Variants in BCL2L13 observed in about 807,000 individuals in gnomAD.
The protein encoded by BCL2L13 is bcl-2-like protein 13.
BCL2L13 carries 13 observed loss-of-function variants against 25.8 expected under a neutral mutation model. That is an observed-to-expected ratio of 0.50 (90% confidence interval 0.33 to 0.80). The LOEUF (loss-of-function observed/expected upper bound fraction) is 0.80. Among genes scored for constraint, BCL2L13 ranks in the 30% least tolerant of loss-of-function variants. BCL2L13 has a pLI of 0.02. For missense variants in BCL2L13, 504 were observed against 574.9 expected, an observed-to-expected ratio of 0.88 and a Z score of 1.26; for synonymous variants, 244 against 230.3, an observed-to-expected ratio of 1.06 and a Z score of -0.54.
Position 17,686,743 on chromosome 22 carries a change from T to C in BCL2L13, c.230-2243T>C, listed in dbSNP as rs2401167. On this transcript the variant is annotated intron_variant, in intron 3 of 6. Transcript: ENST00000317582. The stretch of plus-strand genomic sequence containing the variant: ...TCAGGCTGGTCTCGATCTCCTGACC[T>C]TGTGATCTACCCGCCTCGGCCTCCC... Among the ~76,000 whole-genome samples, 1,120 of 152,182 alleles carry C rather than the reference T, an allele frequency of 7.4e-3. 6 individuals carry two copies. Among genetic ancestry groups the C allele is most frequent in the Middle Eastern group, 0.024 (7 of 294 alleles).
chr22:17,707,809 A>G (rs751143125), intron 6 of BCL2L13, among the ~76,000 whole-genome samples: 3 of 152,204 alleles, frequency 2.0e-5, no homozygotes, highest in Non-Finnish European at 4.4e-5. Context: ...AGCTCAGCTC[A>G]GCAGCAGCTG....
intron 1 of BCL2L13, among the ~76,000 whole-genome samples, chr22:17,653,011 G>C (rs2075753409): frequency 6.6e-6 from 1 of 152,070 alleles, no homozygotes; most frequent in Admixed American, 6.6e-5. Flanking sequence ...CTTGCAGTGA[G>C]CCGAGATCGC....
At chr22:17,697,418 A>G (rs560108582) in intron 5 of BCL2L13, among the ~76,000 whole-genome samples, 1 of 152,234 alleles carries the variant, frequency 6.6e-6, no homozygotes, top group Admixed American at 6.5e-5. Context: ...AGCCTAGGCA[A>G]CAAAAGTGAA....
intron 2 of BCL2L13, among the ~76,000 whole-genome samples, chr22:17,656,959 T>C (rs759588427): frequency 6.6e-4 from 101 of 152,192 alleles, no homozygotes; most frequent in Admixed American, 2.5e-3. Flanking sequence ...GCTGGGACTA[T>C]AGGCGCACGC....
At chr22:17,711,525 C>G (rs1601755893) in intron 6 of BCL2L13, among the ~76,000 whole-genome samples, 1 of 152,068 alleles carries the variant, frequency 6.6e-6, no homozygotes, top group South Asian at 2.1e-4. Context: ...TCACAAAATC[C>G]TGGGCTCAAG....
intron 2 of BCL2L13, among the ~76,000 whole-genome samples, chr22:17,669,387 T>A (rs1485871536): frequency 6.6e-6 from 1 of 152,166 alleles, no homozygotes; most frequent in African/African-American, 2.4e-5. Context: ...CTGCATCTGG[T>A]GAGGGCCTCA....
chr22:17,680,736 G>C (rs141334442), intron 2 of BCL2L13, among the ~76,000 whole-genome samples: 1 of 151,988 alleles, frequency 6.6e-6, no homozygotes, highest in African/African-American at 2.4e-5. Context: ...GCTAACACAT[G>C]ATCAGAAAGT....
At chr22:17,655,954 C>A (rs2058840452) in intron 2 of BCL2L13, 122 bp downstream of exon 2, 1 of 1,041,248 alleles carries the variant, frequency 9.6e-7, no homozygotes, top group Admixed American at 3.1e-5. Context: ...TAAGAATAAC[C>A]TGTTAGGGCT....
rs1213909501 is a variant in BCL2L13, at chr22:17,727,117, A to G, written c.1041A>G (p.Pro347=). 6.2e-7 allele frequency: 1 copy of G among 1,614,100 alleles called. No individual in the cohort carries two copies. Among genetic ancestry groups the G allele is most frequent in the Non-Finnish European group, 8.5e-7 (1 of 1,180,056 alleles). The change falls in exon 7 of 7, where the codon CCA becomes CCG. Residue 347 remains proline, a synonymous_variant. Coordinates refer to ENST00000317582, the MANE Select transcript of BCL2L13 (RefSeq NM_015367.4). The part of the protein sequence containing the change: ...ALPEAPAPLL[P]HITATSLLGT... ...CTGAAGCCCCAGCTCCCTTGCTTCC[A>G]CATATCACTGCCACCTCCCTGCTGG...
chr22:17,724,824 C>A (rs2061249812), intron 6 of BCL2L13, among the ~76,000 whole-genome samples: 1 of 152,222 alleles, frequency 6.6e-6, no homozygotes, highest in South Asian at 2.1e-4. Context: ...TGTGACATTC[C>A]ATTCCATTGG....
At chr22:17,646,955 A>ATATATATATAT (rs768488873) in intron 1 of BCL2L13, among the ~76,000 whole-genome samples, 3 of 22,186 alleles carry the variant, frequency 1.4e-4, no homozygotes, top group Non-Finnish European at 1.5e-4. Context: ...ATATATATAT[A>ATATATATATAT]TTTTTTTTTT....
intron 2 of BCL2L13, among the ~76,000 whole-genome samples, chr22:17,682,204 A>G (rs182933879): frequency 1.3e-5 from 2 of 152,316 alleles, no homozygotes; most frequent in Admixed American, 1.3e-4. Flanking sequence ...AGAATTAACC[A>G]GTAATAAGCA....
intron 6 of BCL2L13, among the ~76,000 whole-genome samples, chr22:17,710,744 G>T (rs2060731009): frequency 6.6e-6 from 1 of 152,046 alleles, no homozygotes; most frequent in Non-Finnish European, 1.5e-5. Flanking sequence ...GGGCGTGGTG[G>T]TGGGCACCCA....
chr22:17,667,473 CTTG>C (rs1286579103), intron 2 of BCL2L13, among the ~76,000 whole-genome samples: 3 of 144,010 alleles, frequency 2.1e-5, no homozygotes, highest in Non-Finnish European at 4.6e-5. Flanking sequence ...ACTTGGCCTA[CTTG>C]AGTTTTTTTA....
intron 1 of BCL2L13, among the ~76,000 whole-genome samples, chr22:17,649,141 G>A (rs1441229111): frequency 2.0e-5 from 3 of 150,734 alleles, no homozygotes; most frequent in East Asian, 1.9e-4. Context: ...GCTCTGTCAC[G>A]CAGGCTGGAG....
intron 1 of BCL2L13, among the ~76,000 whole-genome samples, chr22:17,647,466 A>G (rs1440893738): frequency 1.3e-5 from 2 of 152,068 alleles, no homozygotes; most frequent in Non-Finnish European, 2.9e-5. Context: ...CAAAACTGAC[A>G]AATTTGCTTC....
At position 17,671,180 on chromosome 22, in the gene BCL2L13, G is replaced by A. The variant is rs540660672; in HGVS notation, c.122-12034G>A. Among the ~76,000 whole-genome samples the A allele has an allele frequency of 6.6e-5, 10 of 152,170 alleles. 1 individual carries two copies. In the South Asian group the frequency reaches 1.9e-3, roughly 28 times the overall value. On this transcript the variant is annotated intron_variant, in intron 2 of 6. Coordinates refer to ENST00000317582, the MANE Select transcript of BCL2L13 (RefSeq NM_015367.4). ...GAGGCCGAGGTGGGTAGATCATGAG[G>A]TCAAGAGATCGAGACCATCCTGGCT...
At position 17,707,664 on chromosome 22, in the gene BCL2L13, T is replaced by C. The variant is rs186352618; in HGVS notation, c.600+5278T>C. Among the ~76,000 whole-genome samples, 109 of 152,250 alleles carry C rather than the reference T, an allele frequency of 7.2e-4. 2 individuals carry two copies. The East Asian group carries it at 0.02, about 28-fold the overall frequency. On this transcript the variant is annotated intron_variant, in intron 6 of 6. Transcript: ENST00000317582. Reference sequence around the variant, plus strand: ...CTCTTTTTCTTGACAGATATATATATAAAGTCTGAGAAGTAATGATAGAGG... The same window carrying C: ...CTCTTTTTCTTGACAGATATATATACAAAGTCTGAGAAGTAATGATAGAGG...
intron 3 of BCL2L13, among the ~76,000 whole-genome samples, chr22:17,683,646 G>A (rs894681782): frequency 6.6e-6 from 1 of 151,892 alleles, no homozygotes; most frequent in Non-Finnish European, 1.5e-5. Context: ...AAGTAATAAC[G>A]ACATAAAAAG....
Sources: allele counts gnomAD v4.1 joint callset (sites outside exome capture counted in the v4.1 genomes callset), GRCh38; gene constraint gnomAD v4.1.1; transcripts MANE v1.5; gene names NCBI Gene and HGNC (gene_info 2026-07-23, HGNC 2026-07-21).